Variants in FHIP1A observed in about 807,000 individuals in gnomAD.
FHIP1A encodes the protein FHF complex subunit HOOK interacting protein 1A.
A neutral mutation model predicts 88.6 loss-of-function variants in FHIP1A; 61 were observed. That is an observed-to-expected ratio of 0.69 (90% CI 0.56 to 0.85). The LOEUF (loss-of-function observed/expected upper bound fraction) is 0.85. FHIP1A is among the 40% of genes least tolerant of loss of function. The probability of loss-of-function intolerance (pLI) is 0.00; values close to 1 mark genes in which losing one functional copy is unlikely to be tolerated. For synonymous variants in FHIP1A, 478 were observed against 496.0 expected (o/e 0.96, Z 0.48); for missense variants, 1,154 against 1,273.5 (o/e 0.91, Z 1.43).
chr4:151,516,283 C>G (rs1731232913), intron 3 of FHIP1A, among the ~76,000 whole-genome samples: 2 of 151,950 alleles, frequency 1.3e-5, no homozygotes, highest in South Asian at 4.2e-4. Flanking sequence ...TTCCTTACAC[C>G]TTATACAAAA....
At chr4:151,446,519 G>GTTTTTTTTTTTTTTTTTTT in intron 1 of FHIP1A, among the ~76,000 whole-genome samples, 1 of 146,766 alleles carries the variant, frequency 6.8e-6, no homozygotes, top group Non-Finnish European at 1.5e-5. Context: ...TTACCAGGAG[G>GTTTTTTTTTTTTTTTTTTT]AAAAGGCAGT....
At chr4:151,493,834 A>G (rs1187141038) in intron 3 of FHIP1A, among the ~76,000 whole-genome samples, 1 of 152,228 alleles carries the variant, frequency 6.6e-6, no homozygotes, top group Non-Finnish European at 1.5e-5. Context: ...TAAGGTAATA[A>G]AAGCTGTCTA....
At chr4:151,500,932 C>A (rs1730628783) in intron 3 of FHIP1A, among the ~76,000 whole-genome samples, 1 of 152,118 alleles carries the variant, frequency 6.6e-6, no homozygotes, top group Non-Finnish European at 1.5e-5. Flanking sequence ...ACAAAAATTG[C>A]CGATGCACTG....
intron 3 of FHIP1A, among the ~76,000 whole-genome samples, chr4:151,513,763 T>C (rs1580653645): frequency 6.6e-6 from 1 of 151,724 alleles, no homozygotes; most frequent in Non-Finnish European, 1.5e-5. Flanking sequence ...CTATCCTAAA[T>C]ATATATGCAC....
At chr4:151,495,221 G>A (rs139232388) in intron 3 of FHIP1A, among the ~76,000 whole-genome samples, 186 of 152,226 alleles carry the variant, frequency 1.2e-3, no homozygotes, top group African/African-American at 4.3e-3. Flanking sequence ...AATGGAAAGG[G>A]GCCGAGTGTG....
chr4:151,547,356 G>A (rs1016716779), intron 3 of FHIP1A, among the ~76,000 whole-genome samples: 6 of 152,158 alleles, frequency 3.9e-5, no homozygotes, highest in African/African-American at 1.2e-4. Context: ...GAAAGGTAAG[G>A]CTTAAGCTAT....
At chr4:151,572,947 T>C (rs1733649783) in intron 4 of FHIP1A, among the ~76,000 whole-genome samples, 3 of 152,166 alleles carry the variant, frequency 2.0e-5, no homozygotes. Flanking sequence ...TTTGAAAGCA[T>C]TTGCACTTCC....
At chr4:151,576,398 C>T (rs1270813418) in intron 4 of FHIP1A, among the ~76,000 whole-genome samples, 4 of 152,116 alleles carry the variant, frequency 2.6e-5, no homozygotes, top group Non-Finnish European at 5.9e-5. Context: ...TCACTGCAGC[C>T]TCAACCTCCT....
At chr4:151,537,570 G>T (rs1233705277) in intron 3 of FHIP1A, among the ~76,000 whole-genome samples, 3 of 152,044 alleles carry the variant, frequency 2.0e-5, no homozygotes, top group Non-Finnish European at 1.5e-5. Flanking sequence ...CTTCACATGG[G>T]CTTTCATAGA....
At chr4:151,500,927 A>T (rs1730628700) in intron 3 of FHIP1A, among the ~76,000 whole-genome samples, 1 of 152,186 alleles carries the variant, frequency 6.6e-6, no homozygotes, top group Admixed American at 6.5e-5. Context: ...AGCTGACAAA[A>T]ATTGCCGATG....
At chr4:151,555,839 A>G (rs9997778) in intron 3 of FHIP1A, among the ~76,000 whole-genome samples, 5,149 of 152,266 alleles carry the variant, frequency 0.034, 296 homozygotes, top group African/African-American at 0.12. Flanking sequence ...ACGAGTAATT[A>G]TGGTTTTGTG....
intron 1 of FHIP1A, among the ~76,000 whole-genome samples, chr4:151,437,472 C>T (rs1728246238): frequency 6.6e-6 from 1 of 152,064 alleles, no homozygotes; most frequent in South Asian, 2.1e-4. Flanking sequence ...AGAAAAATCA[C>T]CTCTCTTCTT....
intron 3 of FHIP1A, among the ~76,000 whole-genome samples, chr4:151,555,585 G>T (rs1302376622): frequency 6.6e-6 from 1 of 152,002 alleles, no homozygotes; most frequent in Non-Finnish European, 1.5e-5. Flanking sequence ...TTCCTTGAAG[G>T]GGAGGAAAAA....
At chr4:151,582,176 A>G (rs958290044) in intron 5 of FHIP1A, among the ~76,000 whole-genome samples, 1 of 152,174 alleles carries the variant, frequency 6.6e-6, no homozygotes, top group Admixed American at 6.5e-5. Flanking sequence ...TCCAAAATTT[A>G]TGAGATTTTT....
intron 11 of FHIP1A, among the ~76,000 whole-genome samples, chr4:151,654,040 C>T (rs1163329710): frequency 1.3e-5 from 2 of 151,656 alleles, no homozygotes; most frequent in African/African-American, 4.8e-5. Flanking sequence ...CAGCTGCTTA[C>T]CAGATCCCCC....
At chr4:151,649,417 C>T in intron 10 of FHIP1A, 42 bp from the exon 11 acceptor site, 10 of 1,451,160 alleles carry the variant, frequency 6.9e-6, no homozygotes, top group Non-Finnish European at 9.3e-6. Flanking sequence ...ACCTTTGTCC[C>T]CACACCTCCC....
At chr4:151,529,179 C>A (rs1029404054) in intron 3 of FHIP1A, among the ~76,000 whole-genome samples, 1 of 152,108 alleles carries the variant, frequency 6.6e-6, no homozygotes, top group African/African-American at 2.4e-5. Context: ...AATAGAGATA[C>A]CCTCCTGTGA....
At chr4:151,441,451 TTGTG>T (rs765236854) in intron 1 of FHIP1A, among the ~76,000 whole-genome samples, 33 of 152,154 alleles carry the variant, frequency 2.2e-4, no homozygotes, top group Non-Finnish European at 3.7e-4. Context: ...ATTGAATTGA[TTGTG>T]TGTGTGTATA....
At chr4:151,462,508 G>A in intron 2 of FHIP1A, among the ~76,000 whole-genome samples, 1 of 152,254 alleles carries the variant, frequency 6.6e-6, no homozygotes, top group East Asian at 1.9e-4. Context: ...TTCAAAAGAA[G>A]GATTCATAGT....
Sources: allele counts gnomAD v4.1 joint callset (sites outside exome capture counted in the v4.1 genomes callset), GRCh38; gene constraint gnomAD v4.1.1; transcripts MANE v1.5; gene names NCBI Gene and HGNC (gene_info 2026-07-23, HGNC 2026-07-21).